Variants in KHDRBS3 observed in about 807,000 individuals in gnomAD.
KHDRBS3 encodes the protein KH RNA binding domain containing, signal transduction associated 3, also known as KH domain-containing, RNA-binding, signal transduction-associated protein 3.
A neutral mutation model predicts 45.6 loss-of-function variants in KHDRBS3; 23 were observed. The ratio of observed to expected loss-of-function variants is 0.50; its 90% confidence interval spans 0.36 to 0.72. The LOEUF (loss-of-function observed/expected upper bound fraction) is 0.72, where lower values mean the gene tolerates loss of function less well. Ranked by LOEUF, KHDRBS3 falls within the 30% of genes least tolerant of loss-of-function variation. KHDRBS3 has a pLI of 0.00. For synonymous variants in KHDRBS3, 162 were observed against 156.5 expected (o/e 1.04, Z -0.26); for missense variants, 352 against 424.8 (o/e 0.83, Z 1.51).
At chr8:135,630,964 T>A (rs920686322) in intron 7 of KHDRBS3, among the ~76,000 whole-genome samples, 3 of 152,018 alleles carry the variant, frequency 2.0e-5, no homozygotes, top group African/African-American at 7.3e-5. Flanking sequence ...AAAAGTGTTT[T>A]TCGGCCGGGC....
chr8:135,467,288 A>T (rs962547269), intron 1 of KHDRBS3, among the ~76,000 whole-genome samples: 20 of 152,372 alleles, frequency 1.3e-4, no homozygotes, highest in Middle Eastern at 3.4e-3. Flanking sequence ...ATGAATACTT[A>T]AATAACTTGA....
In KHDRBS3 at chr8:135,516,645, G is replaced by GT. The variant is rs1036495818; in HGVS notation, c.89-4589dup. ...CGATCTTTGACTATCAGAACATGAA[G>GT]TTTCCTCATTTTGTGCAGTAGCCAC... On this transcript the variant is annotated intron_variant, in intron 1 of 8. Transcript: ENST00000355849. Among the ~76,000 whole-genome samples the GT allele has an allele frequency of 2.0e-5, 3 of 150,742 alleles. No individual in the cohort carries two copies. In the Admixed American group the frequency reaches 2.0e-4, roughly 10 times the overall value.
At chr8:135,477,237 G>C (rs1822337545) in intron 1 of KHDRBS3, among the ~76,000 whole-genome samples, 2 of 152,096 alleles carry the variant, frequency 1.3e-5, no homozygotes, top group African/African-American at 4.8e-5. Flanking sequence ...AACTAAGCCT[G>C]AGAAGTTAAA....
intron 1 of KHDRBS3, among the ~76,000 whole-genome samples, chr8:135,486,552 C>T (rs1350700254): frequency 6.6e-6 from 1 of 152,152 alleles, no homozygotes; most frequent in East Asian, 1.9e-4. Flanking sequence ...AAATAACTTG[C>T]CCAGGGTTAT....
At chr8:135,639,282 A>G (rs1366407806) in intron 7 of KHDRBS3, among the ~76,000 whole-genome samples, 2 of 152,200 alleles carry the variant, frequency 1.3e-5, no homozygotes, top group Non-Finnish European at 2.9e-5. Flanking sequence ...GGGATATATG[A>G]AGTTGAAGAT....
chr8:135,617,191 G>C (rs1446628077), intron 7 of KHDRBS3, among the ~76,000 whole-genome samples: 1 of 151,856 alleles, frequency 6.6e-6, no homozygotes, highest in African/African-American at 2.4e-5. Context: ...CCTGTAGTAG[G>C]TGTTTACCAT....
intron 5 of KHDRBS3, among the ~76,000 whole-genome samples, chr8:135,558,712 G>T (rs1249072999): frequency 6.6e-6 from 1 of 152,082 alleles, no homozygotes; most frequent in Non-Finnish European, 1.5e-5. Flanking sequence ...AAATTTACTT[G>T]AAATCTTAGG....
chr8:135,515,345 G>T (rs935673066), intron 1 of KHDRBS3, among the ~76,000 whole-genome samples: 1 of 108,212 alleles, frequency 9.2e-6, no homozygotes, highest in Admixed American at 1.4e-4. Flanking sequence ...CAGCCTGGGC[G>T]ACAGAGCGAG....
In KHDRBS3 at chr8:135,615,439, T is replaced by C. The variant is rs1409524163; in HGVS notation, c.890+8402T>C. ...AAGGTGGATATTATCCTCAATTTAT[T>C]ATTGAGAAAACTGAGACTCAGAGTT... is the stretch of plus-strand genomic sequence containing the variant. On this transcript the variant is annotated intron_variant, in intron 7 of 8. Transcript: ENST00000355849. Among the ~76,000 whole-genome samples the C allele has an allele frequency of 2.0e-5, 3 of 152,166 alleles. No individual in the cohort carries two copies. In the East Asian group the frequency reaches 5.8e-4, roughly 29 times the overall value.
chr8:135,513,643 G>C (rs1331202729), intron 1 of KHDRBS3, among the ~76,000 whole-genome samples: 2 of 152,144 alleles, frequency 1.3e-5, no homozygotes, highest in African/African-American at 2.4e-5. Flanking sequence ...ACAATCAGCA[G>C]TGTTCAAAAG....
intron 5 of KHDRBS3, among the ~76,000 whole-genome samples, chr8:135,565,086 C>T (rs1002972002): frequency 5.3e-5 from 8 of 152,190 alleles, no homozygotes; most frequent in Non-Finnish European, 8.8e-5. Flanking sequence ...ATCGCCTACC[C>T]GGAGGCCTGG....
chr8:135,562,938 A>G (rs1827238493), intron 5 of KHDRBS3, among the ~76,000 whole-genome samples: 1 of 152,212 alleles, frequency 6.6e-6, no homozygotes, highest in Admixed American at 6.5e-5. Context: ...TAATATCTTC[A>G]ATGGCATTCT....
chr8:135,529,915 G>C (rs1825384258), intron 2 of KHDRBS3, among the ~76,000 whole-genome samples: 1 of 152,078 alleles, frequency 6.6e-6, no homozygotes. Flanking sequence ...GCCAGGCGTG[G>C]TGGCGGGTGC....
chr8:135,512,064 T>G (rs1003413849), intron 1 of KHDRBS3, among the ~76,000 whole-genome samples: 1 of 152,164 alleles, frequency 6.6e-6, no homozygotes, highest in Non-Finnish European at 1.5e-5. Flanking sequence ...CAATCTAGTT[T>G]GGGTAGTTAT....
At chr8:135,616,758 T>G (rs1829932949) in intron 7 of KHDRBS3, among the ~76,000 whole-genome samples, 1 of 152,224 alleles carries the variant, frequency 6.6e-6, no homozygotes, top group Non-Finnish European at 1.5e-5. Flanking sequence ...CCTCCAGTTT[T>G]AAATCTTCAC....
chr8:135,512,429 C>CGGAG (rs142771026), intron 1 of KHDRBS3, among the ~76,000 whole-genome samples: 1 of 78,088 alleles, frequency 1.3e-5, no homozygotes, highest in Admixed American at 1.4e-4. Context: ...TTGGAAAAGT[C>CGGAG]GGGGGGGGGG....
intron 5 of KHDRBS3, among the ~76,000 whole-genome samples, chr8:135,566,902 A>G (rs924544153): frequency 6.6e-6 from 1 of 152,174 alleles, no homozygotes; most frequent in African/African-American, 2.4e-5. Flanking sequence ...CATGCATATT[A>G]CAAAGCCCCT....
chr8:135,571,917 ATTTCCT>A (rs903887177), intron 5 of KHDRBS3, among the ~76,000 whole-genome samples: 1 of 152,178 alleles, frequency 6.6e-6, no homozygotes, highest in Non-Finnish European at 1.5e-5. Flanking sequence ...AATTTTTAAA[ATTTCCT>A]TTTCAAGGAA....
At chr8:135,490,348 C>G (rs766480910) in intron 1 of KHDRBS3, among the ~76,000 whole-genome samples, 3 of 152,154 alleles carry the variant, frequency 2.0e-5, no homozygotes, top group African/African-American at 7.2e-5. Context: ...TCCCTAGTTC[C>G]TGGTCATCAG....
Sources: allele counts gnomAD v4.1 joint callset (sites outside exome capture counted in the v4.1 genomes callset), GRCh38; gene constraint gnomAD v4.1.1; transcripts MANE v1.5; gene names NCBI Gene and HGNC (gene_info 2026-07-23, HGNC 2026-07-21).